The following ZNF536 variants were observed in gnomAD, a reference collection of about 807,000 sequenced individuals.
The protein encoded by ZNF536 is zinc finger protein 536.
ZNF536 carries 13 observed loss-of-function variants against 84.5 expected under a neutral mutation model. That is an observed-to-expected ratio of 0.15 (90% CI 0.10 to 0.24). The LOEUF (loss-of-function observed/expected upper bound fraction) is 0.24. Ranked by LOEUF, ZNF536 falls within the 10% of genes least tolerant of loss-of-function variation. The probability of loss-of-function intolerance (pLI) is 1.00; values close to 1 mark genes in which losing one functional copy is unlikely to be tolerated. For synonymous variants in ZNF536, 811 were observed against 742.5 expected, an observed-to-expected ratio of 1.09 and a Z score of -1.50; for missense variants, 1,536 against 1,747.5, an observed-to-expected ratio of 0.88 and a Z score of 2.16.
chr19:30,600,656 G>A (rs2047651934), intron 1 of ZNF536, among the ~76,000 whole-genome samples: 2 of 152,222 alleles, frequency 1.3e-5, no homozygotes, highest in South Asian at 2.1e-4. Context: ...CCCGGAGGAG[G>A]ACATAGCCTG....
chr19:30,248,688 C>T (rs1809206812), intron 1 of ZNF536, among the ~76,000 whole-genome samples: 1 of 152,164 alleles, frequency 6.6e-6, no homozygotes, highest in African/African-American at 2.4e-5. Context: ...TCTCTCATAA[C>T]TCCCTAATGG....
chr19:30,432,428 G>A (rs138158953), intron 1 of ZNF536, among the ~76,000 whole-genome samples: 1,740 of 152,158 alleles, frequency 0.011, 12 homozygotes, highest in Non-Finnish European at 0.016. Context: ...CTTCCAGCCC[G>A]GGTCAAATCC....
intron 1 of ZNF536, among the ~76,000 whole-genome samples, chr19:30,647,933 T>G (rs1342282806): frequency 6.6e-6 from 1 of 152,174 alleles, no homozygotes; most frequent in East Asian, 1.9e-4. Context: ...TTGTGAAGTT[T>G]CCCACGTGTC....
chr19:30,679,063 C>T (rs2050866258), intron 1 of ZNF536, among the ~76,000 whole-genome samples: 1 of 152,102 alleles, frequency 6.6e-6, no homozygotes, highest in Non-Finnish European at 1.5e-5. Context: ...TGAGTAGATT[C>T]TCTCAGTGGC....
At chr19:30,379,329 G>T (rs1349695932) in intron 1 of ZNF536, among the ~76,000 whole-genome samples, 1 of 152,088 alleles carries the variant, frequency 6.6e-6, no homozygotes, top group African/African-American at 2.4e-5. Flanking sequence ...TGAGCTCTGT[G>T]CTGCCCGGCA....
chr19:30,487,231 T>A (rs1213618140), intron 2 of ZNF536, among the ~76,000 whole-genome samples: 2 of 152,206 alleles, frequency 1.3e-5, no homozygotes. Context: ...TGCGTGGAAA[T>A]GTTCATTATA....
intron 2 of ZNF536, among the ~76,000 whole-genome samples, chr19:30,325,421 G>T (rs920755974): frequency 1.3e-5 from 2 of 152,186 alleles, no homozygotes; most frequent in Non-Finnish European, 2.9e-5. Context: ...CCTTTTGGTG[G>T]TGGGCTTCTC....
intron 2 of ZNF536, among the ~76,000 whole-genome samples, chr19:30,484,824 G>T (rs1413549621): frequency 6.6e-6 from 1 of 151,842 alleles, no homozygotes; most frequent in Non-Finnish European, 1.5e-5. Flanking sequence ...ACTTTGTAAA[G>T]TGCTATAAGC....
intron 1 of ZNF536, among the ~76,000 whole-genome samples, chr19:30,632,125 C>T (rs1433940917): frequency 6.6e-6 from 1 of 152,200 alleles, no homozygotes; most frequent in African/African-American, 2.4e-5. Flanking sequence ...AAACTATTAA[C>T]TGTGAGTAAT....
rs557162232 is a variant in ZNF536, at chr19:30,420,534, T to C, written c.-2-23027T>C. On this transcript the variant is annotated intron_variant, in intron 1 of 4. Transcript: ENST00000355537. ...CTTAGAAAAATATATTACTAGGAAG[T>C]AGAGCTGCTTCTTGTGTGTTAATTA... Among the ~76,000 whole-genome samples the C allele has an allele frequency of 2.5e-3, 386 of 152,334 alleles. 3 individuals are homozygous for C. Among genetic ancestry groups the C allele is most frequent in the African/African-American group, 8.9e-3 (372 of 41,580 alleles).
In ZNF536 at chr19:30,442,362, T is replaced by A. The variant is rs541214031; in HGVS notation, c.-2-1199T>A. Among the ~76,000 whole-genome samples the A allele has an allele frequency of 2.6e-5, 4 of 152,370 alleles. No individual in the cohort carries two copies. In the East Asian group the frequency reaches 7.7e-4, roughly 29 times the overall value. On this transcript the variant is annotated intron_variant, in intron 1 of 4. Transcript: ENST00000355537. ...GCAGACCAGCTTTGAACGATAGTGT[T>A]TAACAAACAACTTTGAGTTCTAATT...
chr19:30,278,853 C>T (rs911471058), intron 1 of ZNF536, among the ~76,000 whole-genome samples: 3 of 152,188 alleles, frequency 2.0e-5, no homozygotes, highest in East Asian at 1.9e-4. Context: ...CTGCTCCTTT[C>T]GTAGCAGGCA....
chr19:30,469,576 C>A (rs1303013876), intron 2 of ZNF536, among the ~76,000 whole-genome samples: 1 of 152,180 alleles, frequency 6.6e-6, no homozygotes, highest in African/African-American at 2.4e-5. Flanking sequence ...GGGTGCCCAA[C>A]AACCCTTGGC....
At chr19:30,295,280 G>T (rs58371302) in intron 2 of ZNF536, among the ~76,000 whole-genome samples, 2 of 151,626 alleles carry the variant, frequency 1.3e-5, no homozygotes, top group Admixed American at 1.3e-4. Flanking sequence ...GTCTAGGTCT[G>T]CTCCCAGGCC....
intron 2 of ZNF536, among the ~76,000 whole-genome samples, chr19:30,513,190 G>A (rs185539880): frequency 2.4e-4 from 36 of 152,258 alleles, no homozygotes; most frequent in Admixed American, 5.2e-4. Flanking sequence ...TTGAAAGGGC[G>A]CCATTACCAG....
intron 1 of ZNF536, among the ~76,000 whole-genome samples, chr19:30,660,102 G>A (rs756733807): frequency 6.6e-6 from 1 of 152,164 alleles, no homozygotes; most frequent in Admixed American, 6.5e-5. Flanking sequence ...ATAGTGACAG[G>A]CTGGTCACTT....
chr19:30,439,955 C>CTTTTTTTTTTTTTTT (rs1369505835), intron 1 of ZNF536, among the ~76,000 whole-genome samples: 18 of 133,036 alleles, frequency 1.4e-4, no homozygotes, highest in East Asian at 9.9e-4. Context: ...CTTTTTCTTT[C>CTTTTTTTTTTTTTTT]TTTCTTTTTT....
At chr19:30,666,792 T>A (rs1479755685) in intron 1 of ZNF536, among the ~76,000 whole-genome samples, 3 of 151,014 alleles carry the variant, frequency 2.0e-5, no homozygotes, top group Non-Finnish European at 2.9e-5. Context: ...TTCAAAAATA[T>A]ATATGTAAAA....
intron 1 of ZNF536, among the ~76,000 whole-genome samples, chr19:30,689,716 C>T (rs752824318): frequency 9.2e-5 from 14 of 152,120 alleles, no homozygotes; most frequent in Non-Finnish European, 1.6e-4. Flanking sequence ...ACAGCGTTCC[C>T]GTGTGTCCCG....
Sources: gnomAD v4.1 joint callset for allele counts (sites outside exome capture counted in the v4.1 genomes callset) on GRCh38, gnomAD v4.1.1 for gene constraint, MANE v1.5 for transcripts, NCBI Gene and HGNC (gene_info 2026-07-23, HGNC 2026-07-21) for gene names.